Variants in PABIR3 observed in about 807,000 individuals in gnomAD.
PABIR3 encodes the protein PABIR family member 1.
A neutral mutation model predicts 23.1 loss-of-function variants in PABIR3; 20 were observed. The observed-to-expected ratio is 0.86, with a 90% CI of 0.61 to 1.26. The LOEUF (loss-of-function observed/expected upper bound fraction) is 1.26. Among genes scored for constraint, PABIR3 ranks in the 50% most tolerant of loss-of-function variants. The pLI is 0.00. For synonymous variants in PABIR3, 69 were observed against 68.5 expected (o/e 1.01, Z -0.04); for missense variants, 189 against 195.4 (o/e 0.97, Z 0.20).
In PABIR3 at chrX:134,852,962, G is replaced by A. The variant is rs868285712; in HGVS notation, c.686+66G>A. The A allele has an allele frequency of 5.5e-6, 4 of 727,913 alleles. No individual in the cohort carries two copies. The Middle Eastern group carries it at 9.4e-4, about 171-fold the overall frequency. 60.0% of individuals were successfully genotyped at this position (727,913 alleles called of 1,213,427 possible). On this transcript the variant is annotated intron_variant, in intron 10 of 10. Transcript: ENST00000645433. ...TTTGCTTCGTTGTTAAGTCTACTTTGGCTATTGTACGTATTCAGAAGTATG... is the reference window on the plus strand; with the variant it reads ...TTTGCTTCGTTGTTAAGTCTACTTTAGCTATTGTACGTATTCAGAAGTATG...
At chrX:134,853,222 C>T (rs1176635394) in intron 10 of PABIR3, among the ~76,000 whole-genome samples, 4 of 110,343 alleles carry the variant, frequency 3.6e-5, no homozygotes, top group Non-Finnish European at 3.8e-5. Flanking sequence ...TGTGCACCAC[C>T]GCGCCTGGCT....
In PABIR3 at chrX:134,847,770, T is replaced by C. The variant is rs1603245794; in HGVS notation, c.439-113T>C. On this transcript the variant is annotated intron_variant, in intron 7 of 10. Transcript: ENST00000645433. Reference sequence around the variant, plus strand: ...CACACTCAAAACAATTTCCTAATGATCTTTTGTACCCCAGTCTCCCTCCCT... The same window carrying C: ...CACACTCAAAACAATTTCCTAATGACCTTTTGTACCCCAGTCTCCCTCCCT... 1.2e-5 allele frequency: 7 copies of C among 565,964 alleles called. No homozygotes were observed. The East Asian group carries it at 2.5e-4, about 20-fold the overall frequency. The allele number at this position is 565,964 out of a possible 1,213,427, so 46.6% of individuals were successfully genotyped here. A position where few individuals can be genotyped will look rare whatever the true frequency, so the allele number is the denominator to read the frequency against.
At chrX:134,807,846 C>T in intron 2 of PABIR3, 138 bp downstream of exon 2, 3 of 657,665 alleles carry the variant, frequency 4.6e-6, no homozygotes, top group Non-Finnish European at 6.5e-6. Context: ...CCGGAGATCC[C>T]ACCCTCAACC....
chrX:134,859,473 A>T (rs190694335), downstream of PABIR3, among the ~76,000 whole-genome samples: 88 of 111,489 alleles, frequency 7.9e-4, no homozygotes, highest in Middle Eastern at 4.6e-3. Context: ...TGAATAAATG[A>T]TCCTCTCAGG....
chrX:134,811,513 G>A (rs2080664659), intron 2 of PABIR3, among the ~76,000 whole-genome samples: 1 of 109,096 alleles, frequency 9.2e-6, no homozygotes, highest in Non-Finnish European at 1.9e-5. Flanking sequence ...CTCAGCCTCC[G>A]AGTAGCTGGG....
At chrX:134,816,227 G>A (rs1038822901) in intron 3 of PABIR3, among the ~76,000 whole-genome samples, 2 of 112,596 alleles carry the variant, frequency 1.8e-5, no homozygotes, top group Non-Finnish European at 3.8e-5. Flanking sequence ...TAATGCTGGC[G>A]TCATAGAATG....
At chrX:134,846,125 C>T (rs1167969214) in intron 6 of PABIR3, among the ~76,000 whole-genome samples, 1 of 111,577 alleles carries the variant, frequency 9.0e-6, no homozygotes, top group African/African-American at 3.3e-5. Flanking sequence ...CTTCACAGGG[C>T]GGCAGGAGAT....
At position 134,828,187 on chromosome X, in the gene PABIR3, C is replaced by G. The variant is rs181994895; in HGVS notation, c.190-1039C>G. Among the ~76,000 whole-genome samples, 240 of 107,586 alleles carry G rather than the reference C, an allele frequency of 2.2e-3. 4 individuals are homozygous for G. Among genetic ancestry groups the G allele is most frequent in the Admixed American group, 0.02 (195 of 9,840 alleles). 93.4% of individuals were successfully genotyped at this position (107,586 alleles called of 115,157 possible). On this transcript the variant is annotated intron_variant, in intron 3 of 10. Transcript: ENST00000645433. ...GGCATGAGCCTCCCGTGCCTGGCCT[C>G]CAGGTCTTTTATTTTTCTTAAAAAT...
intron 4 of PABIR3, among the ~76,000 whole-genome samples, chrX:134,841,847 AAAAT>A (rs1368860268): frequency 9.0e-6 from 1 of 110,928 alleles, no homozygotes; most frequent in Non-Finnish European, 1.9e-5. Context: ...AATAAAAATA[AAAAT>A]AAATAAAAAA....
At chrX:134,828,014 T>G (rs1014597442) in intron 3 of PABIR3, among the ~76,000 whole-genome samples, 21 of 45,991 alleles carry the variant, frequency 4.6e-4, no homozygotes, top group Non-Finnish European at 6.1e-4. Context: ...CTCAGTGCTC[T>G]CTCTCTCTCT....
chrX:134,837,518 A>G (rs1474457106), intron 4 of PABIR3, among the ~76,000 whole-genome samples: 3 of 112,140 alleles, frequency 2.7e-5, no homozygotes, highest in African/African-American at 9.7e-5. Context: ...ATGTATCCTG[A>G]AAAATGGAAA....
upstream of PABIR3, chrX:134,807,039 TG>T (rs1387694117): frequency 3.0e-6 from 1 of 333,186 alleles, no homozygotes; most frequent in Non-Finnish European, 3.9e-6. Flanking sequence ...AAGTGGGCAT[TG>T]GGGAAAGAGG....
At chrX:134,857,422 A>G (rs867311926), downstream of PABIR3, among the ~76,000 whole-genome samples, 6 of 111,546 alleles carry the variant, frequency 5.4e-5, no homozygotes, top group Admixed American at 9.6e-5. Flanking sequence ...CCCTAATCCA[A>G]TATGACCTCA....
chrX:134,817,859 C>T (rs1377031467), intron 3 of PABIR3, among the ~76,000 whole-genome samples: 3 of 110,798 alleles, frequency 2.7e-5, no homozygotes, highest in Non-Finnish European at 3.8e-5. Flanking sequence ...AAAAGATTGC[C>T]CTGGCTGCAG....
At chrX:134,851,483 C>T (rs2082632842) in intron 9 of PABIR3, among the ~76,000 whole-genome samples, 1 of 106,981 alleles carries the variant, frequency 9.3e-6, no homozygotes, top group African/African-American at 3.4e-5. Flanking sequence ...TTGCAGTGAG[C>T]CGAGATCACA....
chrX:134,810,049 C>A (rs758682307), intron 2 of PABIR3: 1 of 751,816 alleles, frequency 1.3e-6, no homozygotes, highest in South Asian at 6.8e-5. Flanking sequence ...ATTATGGGAC[C>A]CACTCTACTA....
At chrX:134,808,546 A>G (rs1422440540) in intron 2 of PABIR3, among the ~76,000 whole-genome samples, 3 of 110,752 alleles carry the variant, frequency 2.7e-5, no homozygotes, top group Admixed American at 9.5e-5. Flanking sequence ...ACTCCCGGCT[A>G]ATTTTTTGTA....
At chrX:134,819,448 A>T (rs921295066) in intron 3 of PABIR3, among the ~76,000 whole-genome samples, 6 of 111,831 alleles carry the variant, frequency 5.4e-5, no homozygotes, top group Non-Finnish European at 1.1e-4. Context: ...ATATGCTTTT[A>T]TTGTGTCTAA....
chrX:134,801,581 T>G lies in PABIR3; in HGVS notation c.-97-2520T>G, dbSNP rs978744075. ...GCAGAGGGGGCAAGCCATGCGGGGG[T>G]TTTTCGTCATTCATGCCATAGGGCC... is the stretch of plus-strand genomic sequence containing the variant. On this transcript the variant is annotated intron_variant, in intron 1 of 4. Coordinates refer to the PABIR3 transcript ENST00000414371. Among the ~76,000 whole-genome samples the G allele has an allele frequency of 3.6e-5, 4 of 110,289 alleles. No homozygotes were observed. The Admixed American group carries it at 3.8e-4, about 11-fold the overall frequency.
Sources: gnomAD v4.1 joint callset for allele counts (sites outside exome capture counted in the v4.1 genomes callset) on GRCh38, gnomAD v4.1.1 for gene constraint, MANE v1.5 for transcripts, NCBI Gene and HGNC (gene_info 2026-07-23, HGNC 2026-07-21) for gene names.